The following ALG13 variants were observed in gnomAD, a reference collection of about 807,000 sequenced individuals.
ALG13 encodes the protein UDP-N-acetylglucosamine transferase subunit ALG13.
ALG13 carries 11 observed loss-of-function variants against 87.8 expected under a neutral mutation model. That is an observed-to-expected ratio of 0.13 (90% CI 0.08 to 0.21). The LOEUF is 0.21. Among genes scored for constraint, ALG13 ranks in the 10% least tolerant of loss-of-function variants. The probability of loss-of-function intolerance (pLI) is 1.00; values close to 1 mark genes in which losing one functional copy is unlikely to be tolerated. For synonymous variants in ALG13, 320 were observed against 306.3 expected, an observed-to-expected ratio of 1.04 and a Z score of -0.47; for missense variants, 756 against 866.1, an observed-to-expected ratio of 0.87 and a Z score of 1.60.
chrX:111,726,595 A>G (rs1942075253), intron 15 of ALG13, among the ~76,000 whole-genome samples: 1 of 110,662 alleles, frequency 9.0e-6, no homozygotes, highest in South Asian at 3.9e-4. Flanking sequence ...GTGCCGAGAT[A>G]TACCCATTGA....
Position 111,681,445 on chromosome X carries a change from G to A in ALG13, c.81+146G>A, listed in dbSNP as rs1440612369. ...CACAGGTGCCGCTGCCCCTTAGCTG[G>A]CTTCTGCCCACGCCCGGCGGGGCCC... On this transcript the variant is annotated intron_variant, in intron 1 of 26. Transcript: ENST00000394780. 9.0e-6 allele frequency: 10 copies of A among 1,113,582 alleles called. No individual in the cohort carries two copies. The Admixed American group carries it at 1.9e-4, about 21-fold the overall frequency. 91.8% of individuals were successfully genotyped at this position (1,113,582 alleles called of 1,213,427 possible). A position where few individuals can be genotyped will look rare whatever the true frequency, so the allele number is the denominator to read the frequency against.
intron 3 of ALG13, among the ~76,000 whole-genome samples, chrX:111,705,930 T>C (rs1046473756): frequency 1.1e-4 from 12 of 112,058 alleles, no homozygotes; most frequent in African/African-American, 3.9e-4. Flanking sequence ...TTCCTCAAAA[T>C]GAAGCATTTA....
intron 1 of ALG13, chrX:111,681,528 G>A (rs1933171950): frequency 1.0e-6 from 1 of 983,381 alleles, no homozygotes; most frequent in Non-Finnish European, 1.3e-6. Flanking sequence ...TATTCCGGCC[G>A]CTCCTCTCCC....
intron 3 of ALG13, among the ~76,000 whole-genome samples, chrX:111,692,427 G>C (rs756658495): frequency 7.7e-4 from 86 of 111,901 alleles, no homozygotes; most frequent in African/African-American, 2.7e-3. Flanking sequence ...ATGCACTTCT[G>C]TAACCTAGTA....
chrX:111,705,332 TTTA>T (rs1439992172), intron 3 of ALG13, among the ~76,000 whole-genome samples: 1 of 112,140 alleles, frequency 8.9e-6, no homozygotes, highest in Non-Finnish European at 1.9e-5. Context: ...TTGGATTTTT[TTTA>T]TTGTTGACTT....
intron 8 of ALG13, among the ~76,000 whole-genome samples, chrX:111,715,998 T>A (rs1454852312): frequency 1.8e-5 from 2 of 111,898 alleles, no homozygotes; most frequent in African/African-American, 6.5e-5. Flanking sequence ...TCTTGAAATG[T>A]AGAGTAAGAA....
At chrX:111,698,971 C>T (rs191157023) in intron 3 of ALG13, among the ~76,000 whole-genome samples, 23 of 111,723 alleles carry the variant, frequency 2.1e-4, no homozygotes, top group Non-Finnish European at 3.0e-4. Flanking sequence ...TTTACATTCC[C>T]ACCAACAACG....
intron 3 of ALG13, among the ~76,000 whole-genome samples, chrX:111,691,080 A>G (rs1331188321): frequency 9.0e-6 from 1 of 111,131 alleles, no homozygotes; most frequent in African/African-American, 3.3e-5. Context: ...TCTGCTGTAC[A>G]TGTAATACCA....
intron 3 of ALG13, among the ~76,000 whole-genome samples, chrX:111,686,494 A>C (rs1934963356): frequency 9.0e-6 from 1 of 111,659 alleles, no homozygotes; most frequent in Admixed American, 9.5e-5. Flanking sequence ...TCCTGTTCTT[A>C]ACTGAGAGGA....
chrX:111,717,723 T>A, intron 8 of ALG13, 123 bp from the exon 9 acceptor site: 4 of 457,361 alleles, frequency 8.7e-6, no homozygotes, highest in Non-Finnish European at 1.4e-5. Flanking sequence ...AAAATCACTT[T>A]AAAAAAATTC....
In ALG13 at chrX:111,726,227, G is replaced by GTTT. The variant is rs1448726593; in HGVS notation, c.1730-580_1730-578dup. Among the ~76,000 whole-genome samples, 30 of 83,721 alleles carry GTTT rather than the reference G, an allele frequency of 3.6e-4. 1 individual carries two copies. Among genetic ancestry groups the GTTT allele is most frequent in the African/African-American group, 1.4e-3 (26 of 19,220 alleles). The allele number at this position is 83,721 out of a possible 115,157, so 72.7% of individuals were successfully genotyped here. ...CCCAAAGTGCTGGGATTACAGGCGT[G>GTTT]TTTTGTTTTTTTTTTTTTTTTTTTT... On this transcript the variant is annotated intron_variant, in intron 15 of 26. Coordinates refer to ENST00000394780, the MANE Select transcript of ALG13 (RefSeq NM_001099922.3).
chrX:111,759,727 C>T lies in ALG13; in HGVS notation c.3149-7C>T, dbSNP rs752554975. The T allele has an allele frequency of 8.4e-7, 1 of 1,194,736 alleles. No homozygotes were observed. The highest frequency in any genetic ancestry group is 1.1e-6 in the Non-Finnish European group (1 of 885,257). ...ATAAAGTAGACTGTATACATCCTTT[C>T]TTTCAGATACTTTTCCGAATGCTGA... On this transcript the variant is annotated splice_polypyrimidine_tract_variant and splice_region_variant and intron_variant, in intron 26 of 26. Transcript: ENST00000394780.
Position 111,722,846 on chromosome X carries a change from G to A in ALG13, c.1489G>A (p.Asp497Asn). Reference protein sequence around the residue: ...EYAGRQYYLGDKCQVCLESEG... With the variant: ...EYAGRQYYLGNKCQVCLESEG... ...TGCTGGGAGACAGTACTATTTGGGA[G>A]ACAAGTGTCAGGTTAGTTCCTTCTT... Residue 497 changes from aspartate (D) to asparagine (N), a missense_variant, in exon 13 of 27, where the codon GAC becomes AAC. Asp to Asn is a conservative substitution (Grantham distance 23, BLOSUM62 1). This residue lies in a region of ALG13 where 362 missense variants were observed against 383.5 expected (regional missense o/e 0.94). Transcript: ENST00000394780. 1 of 1,196,046 alleles carries A rather than the reference G, an allele frequency of 8.4e-7. No homozygotes were observed.
intron 24 of ALG13, among the ~76,000 whole-genome samples, chrX:111,745,626 A>G (rs759794583): frequency 3.7e-5 from 4 of 108,050 alleles, no homozygotes; most frequent in Non-Finnish European, 3.8e-5. Flanking sequence ...ACTTCTGTGT[A>G]GTTTATTCCT....
chrX:111,692,141 A>G (rs920871527), intron 3 of ALG13, among the ~76,000 whole-genome samples: 4 of 111,723 alleles, frequency 3.6e-5, no homozygotes, highest in Admixed American at 9.5e-5. Context: ...TGAGGTGCTT[A>G]TCTTTATTAA....
chrX:111,690,377 A>G, intron 3 of ALG13: 1 of 753,753 alleles, frequency 1.3e-6, no homozygotes, highest in Non-Finnish European at 1.6e-6. Context: ...CAGTTAATAG[A>G]ACATTTACGG....
intron 8 of ALG13, among the ~76,000 whole-genome samples, chrX:111,713,682 A>G (rs905010816): frequency 2.7e-5 from 3 of 112,012 alleles, no homozygotes; most frequent in Non-Finnish European, 5.6e-5. Context: ...TTTGTATTTG[A>G]AACTTTCCCA....
chrX:111,681,684 C>G (rs1175917990), intron 1 of ALG13: 14 of 849,591 alleles, frequency 1.6e-5, no homozygotes, highest in Non-Finnish European at 2.0e-5. Context: ...CCCTGTGGAC[C>G]GCACGTCGGC....
chrX:111,681,695 G>A, intron 1 of ALG13: 1 of 845,687 alleles, frequency 1.2e-6, no homozygotes, highest in African/African-American at 2.2e-5. Context: ...GCACGTCGGC[G>A]CCGGCGTCTG....
Sources: allele counts gnomAD v4.1 joint callset (sites outside exome capture counted in the v4.1 genomes callset), GRCh38; gene constraint gnomAD v4.1.1; regional missense constraint gnomAD v4.1.1; transcripts MANE v1.5; gene names NCBI Gene and HGNC (gene_info 2026-07-23, HGNC 2026-07-21).